SOCS4: variants seen among roughly 807,000 people sequenced by gnomAD.
SOCS4 encodes the protein suppressor of cytokine signaling 4.
A neutral mutation model predicts 34.1 loss-of-function variants in SOCS4; 20 were observed. The observed-to-expected ratio is 0.59, with a 90% CI of 0.41 to 0.85. The LOEUF (loss-of-function observed/expected upper bound fraction) is 0.85, where lower values mean the gene tolerates loss of function less well. SOCS4 is among the 40% of genes least tolerant of loss of function. The pLI, the probability that SOCS4 is intolerant of heterozygous loss-of-function variation, is 0.00. For missense variants in SOCS4, 479 were observed against 532.4 expected, an observed-to-expected ratio of 0.90 and a Z score of 0.99; for synonymous variants, 180 against 186.4, an observed-to-expected ratio of 0.97 and a Z score of 0.28.
intron 2 of SOCS4, among the ~76,000 whole-genome samples, chr14:55,040,749 A>G (rs2042610558): frequency 6.6e-6 from 1 of 152,112 alleles, no homozygotes; most frequent in Non-Finnish European, 1.5e-5. Flanking sequence ...ATCTCAAAAA[A>G]AAAAGAGAGT....
chr14:55,036,846 G>A (rs912206642), intron 2 of SOCS4, among the ~76,000 whole-genome samples: 1 of 152,016 alleles, frequency 6.6e-6, no homozygotes, highest in Non-Finnish European at 1.5e-5. Flanking sequence ...CAGGTGCAGT[G>A]GCTCACACCT....
At chr14:55,038,504 G>T (rs1016300493) in intron 2 of SOCS4, among the ~76,000 whole-genome samples, 2 of 152,188 alleles carry the variant, frequency 1.3e-5, no homozygotes, top group Non-Finnish European at 2.9e-5. Context: ...CTCCAGGAAA[G>T]TATCTGCCAC....
In SOCS4 at chr14:55,031,851, T is replaced by A. The variant is rs2140242369; in HGVS notation, c.-219-12T>A. ...CAAACCTGTTTTCAGATTTTTTTCT[T>A]AACATTCCAAGGAGTTCATCTGTTG... On this transcript the variant is annotated splice_polypyrimidine_tract_variant and intron_variant, in intron 1 of 2. Transcript: ENST00000555846. 1 of 152,366 alleles carries A rather than the reference T, an allele frequency of 6.6e-6. No individual in the cohort carries two copies. The highest frequency in any genetic ancestry group is 6.5e-5 in the Admixed American group (1 of 15,308). 9.4% of individuals were successfully genotyped at this position (152,366 alleles called of 1,614,324 possible). A position where few individuals can be genotyped will look rare whatever the true frequency, so the allele number is the denominator to read the frequency against.
chr14:55,044,580 G>A lies in SOCS4; in HGVS notation c.*216G>A, dbSNP rs1039798601. 3 of 260,388 alleles carry A rather than the reference G, an allele frequency of 1.2e-5. No individual in the cohort carries two copies. The highest frequency in any genetic ancestry group is 8.2e-5 in the East Asian group (1 of 12,258). 16.1% of individuals were successfully genotyped at this position (260,388 alleles called of 1,614,324 possible). On this transcript the variant is annotated 3_prime_UTR_variant, in exon 3 of 3. Coordinates refer to ENST00000555846, the MANE Select transcript of SOCS4 (RefSeq NM_199421.2). Reference sequence around the variant, plus strand: ...ATAGATATTTTTAACCAGGTGTTTGGTTTTTGTTTTTACCGTGTAGGTTGT... The same window carrying A: ...ATAGATATTTTTAACCAGGTGTTTGATTTTTGTTTTTACCGTGTAGGTTGT...
intron 2 of SOCS4, among the ~76,000 whole-genome samples, chr14:55,033,230 T>C (rs2042544609): frequency 2.0e-5 from 3 of 152,332 alleles, no homozygotes; most frequent in Admixed American, 1.3e-4. Flanking sequence ...AACTAATCTT[T>C]AGTCTTCATA....
chr14:55,040,213 T>G (rs1221732243), intron 2 of SOCS4, among the ~76,000 whole-genome samples: 1 of 152,222 alleles, frequency 6.6e-6, no homozygotes, highest in Non-Finnish European at 1.5e-5. Context: ...TAAGAAATAC[T>G]TTTCCTTAAA....
In SOCS4 at chr14:55,027,379, C is replaced by G. The variant is rs2042471098; in HGVS notation, c.-312C>G. On this transcript the variant is annotated 5_prime_UTR_variant, in exon 1 of 3. Transcript: ENST00000555846. ...TACACGAGGTGCAGGAGTGGTTGGG[C>G]CTCCCCTCTCCACTTAAGCAAGCGC... The G allele has an allele frequency of 6.3e-6, 1 of 157,666 alleles. No individual in the cohort carries two copies. 9.8% of individuals were successfully genotyped at this position (157,666 alleles called of 1,614,324 possible).
chr14:55,043,026 T>C lies in SOCS4; in HGVS notation c.-16T>C. ...AAGCAGTATTTATAACATTAGAATC[T>C]GGATAATTTGTTAACATGGCAGAAA... is the stretch of plus-strand genomic sequence containing the variant. On this transcript the variant is annotated 5_prime_UTR_variant, in exon 3 of 3. Transcript: ENST00000555846. 6.3e-7 allele frequency: 1 copy of C among 1,586,884 alleles called. No individual in the cohort carries two copies. The highest frequency in any genetic ancestry group is 8.6e-7 in the Non-Finnish European group (1 of 1,166,116).
chr14:55,035,459 A>G (rs1337498962), intron 2 of SOCS4, among the ~76,000 whole-genome samples: 1 of 152,198 alleles, frequency 6.6e-6, no homozygotes, highest in Non-Finnish European at 1.5e-5. Flanking sequence ...ACTTTGAAAC[A>G]TTAGTTTTCC....
chr14:55,037,922 T>C (rs1277086005), intron 2 of SOCS4, among the ~76,000 whole-genome samples: 2 of 152,262 alleles, frequency 1.3e-5, no homozygotes, highest in African/African-American at 4.8e-5. Context: ...TATTTTGTTA[T>C]TTCATATATG....
At position 55,047,704 on chromosome 14, in the gene SOCS4, A is replaced by G. The variant is rs942861778; in HGVS notation, c.*3340A>G. 1.8e-5 allele frequency: 3 copies of G among 167,096 alleles called. No individual in the cohort carries two copies. The highest frequency in any genetic ancestry group is 4.4e-5 in the Non-Finnish European group (3 of 68,120). The allele number at this position is 167,096 out of a possible 1,614,324, so 10.4% of individuals were successfully genotyped here. ...ATAAAGAATGTCTCAGTAATTAGAA[A>G]TCCCTTAATAAGTAGAACAAATGTG... On this transcript the variant is annotated 3_prime_UTR_variant, in exon 3 of 3. Coordinates refer to ENST00000555846, the MANE Select transcript of SOCS4 (RefSeq NM_199421.2).
chr14:55,045,893 C>T lies in SOCS4; in HGVS notation c.*1529C>T, dbSNP rs774249331. On this transcript the variant is annotated 3_prime_UTR_variant, in exon 3 of 3. Transcript: ENST00000555846. ...AACAAATATTTCTTCATTATTGTTG[C>T]TTTTATGTGAGTAGCATTTCCCTAT... 5 of 166,872 alleles carry T rather than the reference C, an allele frequency of 3.0e-5. No homozygotes were observed. Among genetic ancestry groups the T allele is most frequent in the Non-Finnish European group, 7.4e-5 (5 of 67,976 alleles). The allele number at this position is 166,872 out of a possible 1,614,324, so 10.3% of individuals were successfully genotyped here.
intron 2 of SOCS4, among the ~76,000 whole-genome samples, chr14:55,036,639 C>T (rs946803660): frequency 1.3e-5 from 2 of 152,092 alleles, no homozygotes; most frequent in Admixed American, 6.6e-5. Flanking sequence ...CCACCACACC[C>T]GGCCATTCCT....
In SOCS4 at chr14:55,042,396, A is replaced by G. The variant is rs542278444; in HGVS notation, c.-90-556A>G. Reference sequence around the variant, plus strand: ...AACACTGTATTGGGAATGCTTACTGAGCATTTTTGCTGTTCAATGGTGATT... The same window carrying G: ...AACACTGTATTGGGAATGCTTACTGGGCATTTTTGCTGTTCAATGGTGATT... On this transcript the variant is annotated intron_variant, in intron 2 of 2. Transcript: ENST00000555846. Among the ~76,000 whole-genome samples, 355 of 152,330 alleles carry G rather than the reference A, an allele frequency of 2.3e-3. 2 individuals carry two copies. The highest frequency in any genetic ancestry group is 8.2e-3 in the African/African-American group (341 of 41,570).
rs1173430633 is a variant in SOCS4 at position 55,044,619 on chromosome 14, T to G, written c.*255T>G. On this transcript the variant is annotated 3_prime_UTR_variant, in exon 3 of 3. Coordinates refer to ENST00000555846, the MANE Select transcript of SOCS4 (RefSeq NM_199421.2). Reference sequence around the variant, plus strand: ...CGTGTAGGTTGTATACTTACATTTTTTCTTTCCTTAATTTATACATGATCC... The same window carrying G: ...CGTGTAGGTTGTATACTTACATTTTGTCTTTCCTTAATTTATACATGATCC... 5.1e-6 allele frequency: 1 copy of G among 195,392 alleles called. No individual in the cohort carries two copies. The highest frequency in any genetic ancestry group is 1.1e-5 in the Non-Finnish European group (1 of 90,452). The allele number at this position is 195,392 out of a possible 1,614,324, so 12.1% of individuals were successfully genotyped here. A position where few individuals can be genotyped will look rare whatever the true frequency, so the allele number is the denominator to read the frequency against.
chr14:55,046,887 CTG>C lies in SOCS4; in HGVS notation c.*2527_*2528del, dbSNP rs1464487823. ...AATTCAGAAAGGTTACCCCCTTCCT[CTG>C]TGTCTTTGTAAGGATACATTTGGAA... On this transcript the variant is annotated 3_prime_UTR_variant, in exon 3 of 3. Transcript: ENST00000555846. 1.2e-5 allele frequency: 2 copies of C among 166,964 alleles called. No individual in the cohort carries two copies. The highest frequency in any genetic ancestry group is 2.9e-5 in the Non-Finnish European group (2 of 68,070). The allele number at this position is 166,964 out of a possible 1,614,324, so 10.3% of individuals were successfully genotyped here.
chr14:55,044,281 T>A lies in SOCS4; in HGVS notation c.1240T>A (p.Ser414Thr). 6.2e-7 allele frequency: 1 copy of A among 1,613,884 alleles called. No homozygotes were observed. The highest frequency in any genetic ancestry group is 8.5e-7 in the Non-Finnish European group (1 of 1,179,820). ...CATCGATGCCCTTCCAATTCCTTCT[T>A]CTATGAAATTATATCTGAAGGAATA... ...DGIDALPIPS[S>T]MKLYLKEYHY... Residue 414 changes from serine to threonine, a missense_variant, in exon 3 of 3, where the codon TCT becomes ACT. By Grantham distance (58) the Ser-to-Thr change is moderately conservative (BLOSUM62 1). Coordinates refer to ENST00000555846, the MANE Select transcript of SOCS4 (RefSeq NM_199421.2).
rs35998700 is a variant in SOCS4, at chr14:55,041,783, C to CTTTTTTTTT, written c.-90-1151_-90-1143dup. ...CCACCGTGCCCAGCCAACCCTTAAT[C>CTTTTTTTTT]TTTTTTTTTTTTTTTTTTTTTTTTT... is the stretch of plus-strand genomic sequence containing the variant. On this transcript the variant is annotated intron_variant, in intron 2 of 2. Coordinates refer to ENST00000555846, the MANE Select transcript of SOCS4 (RefSeq NM_199421.2). Among the ~76,000 whole-genome samples, 139 of 40,080 alleles carry CTTTTTTTTT rather than the reference C, an allele frequency of 3.5e-3. 16 individuals carry two copies. The highest frequency in any genetic ancestry group is 7.3e-3 in the South Asian group (4 of 548). 26.3% of individuals were successfully genotyped at this position (40,080 alleles called of 152,430 possible).
At chr14:55,034,819 C>CA (rs543244514) in intron 2 of SOCS4, among the ~76,000 whole-genome samples, 235 of 112,334 alleles carry the variant, frequency 2.1e-3, no homozygotes, top group African/African-American at 4.3e-3. Context: ...GACTTCACCT[C>CA]AAAAAAAAAA....
Sources: allele counts gnomAD v4.1 joint callset (sites outside exome capture counted in the v4.1 genomes callset), GRCh38; gene constraint gnomAD v4.1.1; transcripts MANE v1.5; gene names NCBI Gene and HGNC (gene_info 2026-07-23, HGNC 2026-07-21).